Variants in LRMDA observed in about 807,000 individuals in gnomAD.
The protein encoded by LRMDA is leucine rich melanocyte differentiation associated, also known as leucine-rich melanocyte differentiation-associated protein.
In LRMDA, 18 loss-of-function variants were observed where a neutral mutation model predicts 29.8. The observed-to-expected ratio is 0.60, with a 90% CI of 0.42 to 0.90. The LOEUF is 0.90. Ranked by LOEUF, LRMDA falls within the 40% of genes least tolerant of loss-of-function variation. The probability of loss-of-function intolerance (pLI) is 0.00; values close to 1 mark genes in which losing one functional copy is unlikely to be tolerated. For synonymous variants in LRMDA, 125 were observed against 109.4 expected, an observed-to-expected ratio of 1.14 and a Z score of -0.89; for missense variants, 273 against 273.9, an observed-to-expected ratio of 1.00 and a Z score of 0.02.
At chr10:76,030,898 T>G (rs987186307) in intron 2 of LRMDA, among the ~76,000 whole-genome samples, 1 of 152,224 alleles carries the variant, frequency 6.6e-6, no homozygotes, top group Non-Finnish European at 1.5e-5. Flanking sequence ...ACCAGGTGGC[T>G]TTTGGTCACC....
chr10:75,875,526 C>G lies in LRMDA; in HGVS notation c.132-160482C>G, dbSNP rs139606053. On this transcript the variant is annotated intron_variant, in intron 2 of 6. Transcript: ENST00000611255. ...TTGGCTCACTGCAACCTCCGCCTCC[C>G]GGGTTCAAGCGATTCTCCTGCCTCA... Among the ~76,000 whole-genome samples, 447 of 152,260 alleles carry G rather than the reference C, an allele frequency of 2.9e-3. 2 individuals are homozygous for G. Among genetic ancestry groups the G allele is most frequent in the African/African-American group, 0.01 (433 of 41,550 alleles).
At chr10:76,062,497 C>T (rs1268095578) in intron 5 of LRMDA, among the ~76,000 whole-genome samples, 1 of 152,160 alleles carries the variant, frequency 6.6e-6, no homozygotes, top group Non-Finnish European at 1.5e-5. Flanking sequence ...CACTCCCTTT[C>T]TCCCATGATG....
chr10:76,302,835 G>T (rs1442036289), intron 5 of LRMDA, among the ~76,000 whole-genome samples: 1 of 152,178 alleles, frequency 6.6e-6, no homozygotes, highest in Non-Finnish European at 1.5e-5. Context: ...GCCCTTTCTA[G>T]AAGGTTTCCA....
chr10:76,318,658 G>T (rs1198173969), intron 5 of LRMDA: 1 of 152,434 alleles, frequency 6.6e-6, no homozygotes, highest in Admixed American at 6.5e-5. Flanking sequence ...TCTGGCTCTA[G>T]ACAGGATATG....
At chr10:75,685,916 A>T (rs1842076344) in intron 2 of LRMDA, among the ~76,000 whole-genome samples, 1 of 152,232 alleles carries the variant, frequency 6.6e-6, no homozygotes, top group African/African-American at 2.4e-5. Context: ...CTACAGTTCT[A>T]AGTGCTTTAC....
intron 2 of LRMDA, among the ~76,000 whole-genome samples, chr10:75,509,782 G>A (rs1011885488): frequency 6.6e-6 from 1 of 152,096 alleles, no homozygotes; most frequent in Non-Finnish European, 1.5e-5. Flanking sequence ...GCAAAATAAG[G>A]GATCTGAATT....
chr10:76,347,033 T>A (rs2132427190), intron 6 of LRMDA, among the ~76,000 whole-genome samples: 1 of 152,320 alleles, frequency 6.6e-6, no homozygotes, highest in East Asian at 1.9e-4. Flanking sequence ...TAATGTCTAA[T>A]TGGAGATATC....
At chr10:76,342,259 G>A (rs1841050957) in intron 6 of LRMDA, among the ~76,000 whole-genome samples, 1 of 152,072 alleles carries the variant, frequency 6.6e-6, no homozygotes, top group Non-Finnish European at 1.5e-5. Flanking sequence ...ATATGGTTAA[G>A]AATTCCTGGG....
intron 6 of LRMDA, among the ~76,000 whole-genome samples, chr10:76,544,732 AC>A: frequency 6.6e-6 from 1 of 151,682 alleles, no homozygotes; most frequent in African/African-American, 2.4e-5. Flanking sequence ...ACACACACAC[AC>A]ACACACACAC....
At chr10:75,772,227 A>G (rs538888377) in intron 2 of LRMDA, among the ~76,000 whole-genome samples, 2 of 152,320 alleles carry the variant, frequency 1.3e-5, no homozygotes, top group South Asian at 2.1e-4. Context: ...TGCAATCATT[A>G]AAGTTGTTTA....
rs1245099569 is a variant in LRMDA, at chr10:76,466,653, G to A, written c.602-90556G>A. 3.9e-5 allele frequency among the ~76,000 whole-genome samples: 6 copies of A among 152,032 alleles called. No homozygotes were observed. The East Asian group carries it at 5.8e-4, about 15-fold the overall frequency. On this transcript the variant is annotated intron_variant, in intron 6 of 6. Coordinates refer to ENST00000611255, the MANE Select transcript of LRMDA (RefSeq NM_001305581.2). ...TCTACAAAAAGGACAAAAGTTATCC[G>A]GGCATGGTGGTGTGTGCCTGTAGTC...
intron 6 of LRMDA, among the ~76,000 whole-genome samples, chr10:76,522,664 T>C (rs995895443): frequency 6.6e-6 from 1 of 152,166 alleles, no homozygotes; most frequent in African/African-American, 2.4e-5. Flanking sequence ...GCATTTCTTT[T>C]GAAACTTACA....
intron 6 of LRMDA, among the ~76,000 whole-genome samples, chr10:76,327,483 C>T (rs559921313): frequency 1.3e-5 from 2 of 152,326 alleles, no homozygotes; most frequent in South Asian, 4.1e-4. Flanking sequence ...ATACCCCCTA[C>T]ACACTTATAT....
intron 2 of LRMDA, among the ~76,000 whole-genome samples, chr10:75,524,544 T>C (rs893557813): frequency 6.6e-6 from 1 of 152,166 alleles, no homozygotes; most frequent in Admixed American, 6.5e-5. Flanking sequence ...TAGGCTCTCC[T>C]TTCTCCTTTG....
chr10:76,430,883 A>AT (rs1185048138), intron 6 of LRMDA, among the ~76,000 whole-genome samples: 4 of 152,016 alleles, frequency 2.6e-5, no homozygotes, highest in African/African-American at 7.3e-5. Flanking sequence ...CTTTCTGAGT[A>AT]TTTTTTCCAT....
chr10:76,466,216 A>G lies in LRMDA; in HGVS notation c.602-90993A>G, dbSNP rs148682387. Among the ~76,000 whole-genome samples, 366 of 152,304 alleles carry G rather than the reference A, an allele frequency of 2.4e-3. 2 individuals carry two copies. Among genetic ancestry groups the G allele is most frequent in the African/African-American group, 8.4e-3 (348 of 41,568 alleles). On this transcript the variant is annotated intron_variant, in intron 6 of 6. Coordinates refer to ENST00000611255, the MANE Select transcript of LRMDA (RefSeq NM_001305581.2). Reference sequence around the variant, plus strand: ...TCATGAGAACTTAGCAGCTTGGAGAAGGAGTCTTACAGGACTGGTGCCCAG... The same window carrying G: ...TCATGAGAACTTAGCAGCTTGGAGAGGGAGTCTTACAGGACTGGTGCCCAG...
At position 75,467,956 on chromosome 10, in the gene LRMDA, TCACACA is replaced by T. The variant is rs61295526; in HGVS notation, c.131+29501_131+29506del. ...AGCCTGGTGACAGAGTGAGACTCCGTCACACACACACACACACACACACACACACAC... is the reference window on the plus strand; with the variant it reads ...AGCCTGGTGACAGAGTGAGACTCCGTCACACACACACACACACACACACAC... On this transcript the variant is annotated intron_variant, in intron 2 of 6. Transcript: ENST00000611255. Among the ~76,000 whole-genome samples, 324 of 130,052 alleles carry T rather than the reference TCACACA, an allele frequency of 2.5e-3. 1 individual carries two copies. Among genetic ancestry groups the T allele is most frequent in the South Asian group, 9.1e-3 (34 of 3,716 alleles). 85.3% of individuals were successfully genotyped at this position (130,052 alleles called of 152,430 possible).
chr10:76,209,283 C>A (rs2395347), intron 5 of LRMDA, among the ~76,000 whole-genome samples: 38,207 of 152,014 alleles, frequency 0.25, 5,415 homozygotes, highest in East Asian at 0.6. Flanking sequence ...TTGCTCAGTC[C>A]TGTTCCCCTC....
chr10:76,211,373 C>A (rs1385040663), intron 5 of LRMDA, among the ~76,000 whole-genome samples: 1 of 152,210 alleles, frequency 6.6e-6, no homozygotes, highest in African/African-American at 2.4e-5. Context: ...ATCAATTTCT[C>A]AAATGAGAAA....
Sources: allele counts gnomAD v4.1 joint callset (sites outside exome capture counted in the v4.1 genomes callset), GRCh38; gene constraint gnomAD v4.1.1; transcripts MANE v1.5; gene names NCBI Gene and HGNC (gene_info 2026-07-23, HGNC 2026-07-21).